The following INTS8 variants were observed in gnomAD, a reference collection of about 807,000 sequenced individuals.
The protein encoded by INTS8 is protein kaonashi-1.
Under a neutral mutation model 138.9 loss-of-function variants are expected in INTS8, and 47 were observed. That is an observed-to-expected ratio of 0.34 (90% CI 0.27 to 0.43). INTS8 has a LOEUF of 0.43. Among genes scored for constraint, INTS8 ranks in the 20% least tolerant of loss-of-function variants. INTS8 has a pLI of 1.00. For missense variants in INTS8, 996 were observed against 1,173.0 expected, an observed-to-expected ratio of 0.85 and a Z score of 2.20; for synonymous variants, 392 against 400.9, an observed-to-expected ratio of 0.98 and a Z score of 0.27.
intron 8 of INTS8, among the ~76,000 whole-genome samples, chr8:94,839,187 G>A (rs940495411): frequency 6.6e-6 from 1 of 152,180 alleles, no homozygotes; most frequent in African/African-American, 2.4e-5. Context: ...GAGCCCACCT[G>A]CTCTTGAGCC....
At chr8:94,825,442 T>TAA (rs373395599) in intron 2 of INTS8, among the ~76,000 whole-genome samples, 1 of 145,922 alleles carries the variant, frequency 6.9e-6, no homozygotes, top group East Asian at 2.0e-4. Context: ...AAAAAAAAAA[T>TAA]AATAAAATAA....
At chr8:94,878,068 C>T (rs997332831) in intron 26 of INTS8, among the ~76,000 whole-genome samples, 2 of 152,134 alleles carry the variant, frequency 1.3e-5, no homozygotes, top group Admixed American at 1.3e-4. Context: ...ATATTTTTAG[C>T]GTCTTCCCTT....
At chr8:94,871,815 TA>T in intron 20 of INTS8, 68 bp from the exon 21 acceptor site, 1 of 863,914 alleles carries the variant, frequency 1.2e-6, no homozygotes. Flanking sequence ...TTGTTTTTAA[TA>T]AATACATGCA....
chr8:94,853,769 G>A (rs1333107120), intron 13 of INTS8, 36 bp from the exon 14 acceptor site: 2 of 1,182,946 alleles, frequency 1.7e-6, no homozygotes, highest in Admixed American at 1.7e-5. Flanking sequence ...CTTCCTCTAT[G>A]TGTGCATATA....
At chr8:94,841,849 C>G (rs1349865031) in intron 9 of INTS8, among the ~76,000 whole-genome samples, 1 of 152,096 alleles carries the variant, frequency 6.6e-6, no homozygotes, top group African/African-American at 2.4e-5. Flanking sequence ...GGGTGGATCA[C>G]TTGAGGTCAG....
chr8:94,858,497 G>A (rs1293627493), intron 15 of INTS8, among the ~76,000 whole-genome samples: 1 of 152,192 alleles, frequency 6.6e-6, no homozygotes, highest in African/African-American at 2.4e-5. Flanking sequence ...AAAGTGGGAG[G>A]TAGGTTTTCC....
chr8:94,837,410 TTGATTA>T (rs1407179588), intron 7 of INTS8, among the ~76,000 whole-genome samples: 1 of 152,198 alleles, frequency 6.6e-6, no homozygotes, highest in Non-Finnish European at 1.5e-5. Context: ...AGTAGAGATA[TTGATTA>T]AATGCCCTAG....
chr8:94,824,480 A>G (rs577289138), intron 1 of INTS8, among the ~76,000 whole-genome samples: 2 of 152,326 alleles, frequency 1.3e-5, no homozygotes, highest in South Asian at 4.1e-4. Context: ...TGGAAGAAGC[A>G]GGTACGGAGA....
chr8:94,862,227 C>G (rs1816018080), intron 16 of INTS8, among the ~76,000 whole-genome samples: 1 of 152,174 alleles, frequency 6.6e-6, no homozygotes, highest in African/African-American at 2.4e-5. Context: ...CAGGCATAAG[C>G]CACCGTGCCC....
rs1180526345 is a variant in INTS8 at position 94,880,542 on chromosome 8, A to C, written c.*308A>C. On this transcript the variant is annotated 3_prime_UTR_variant, in exon 27 of 27. Transcript: ENST00000523731. ...TTAGAAAAGCTAATTTAAAATATTT[A>C]GAAATAGCTAGCCTATGTACAGCAA... is the stretch of plus-strand genomic sequence containing the variant. 1 of 308,512 alleles carries C rather than the reference A, an allele frequency of 3.2e-6. No individual in the cohort carries two copies. Among genetic ancestry groups the C allele is most frequent in the Non-Finnish European group, 5.8e-6 (1 of 171,954 alleles). The allele number at this position is 308,512 out of a possible 1,614,324, so 19.1% of individuals were successfully genotyped here. A position where few individuals can be genotyped will look rare whatever the true frequency, so the allele number is the denominator to read the frequency against.
Position 94,823,387 on chromosome 8 carries a change from T to G in INTS8, c.-45T>G, listed in dbSNP as rs1421308260. On this transcript the variant is annotated 5_prime_UTR_variant, in exon 1 of 27. Coordinates refer to ENST00000523731, the MANE Select transcript of INTS8 (RefSeq NM_017864.4). ...CACCGGCCCGCATCCAAGTGTCAGG[T>G]TGGAGCCGGGAAGCGGCCCTGGTGG... 1 of 1,510,116 alleles carries G rather than the reference T, an allele frequency of 6.6e-7. No homozygotes were observed. Among genetic ancestry groups the G allele is most frequent in the Non-Finnish European group, 8.8e-7 (1 of 1,132,100 alleles). The allele number at this position is 1,510,116 out of a possible 1,614,324, so 93.5% of individuals were successfully genotyped here.
rs562516387 is a variant in INTS8, at chr8:94,834,610, A to G, written c.754-1914A>G. Among the ~76,000 whole-genome samples, 10 of 151,960 alleles carry G rather than the reference A, an allele frequency of 6.6e-5. No individual in the cohort carries two copies. The East Asian group carries it at 1.7e-3, about 27-fold the overall frequency. On this transcript the variant is annotated intron_variant, in intron 6 of 26. Coordinates refer to ENST00000523731, the MANE Select transcript of INTS8 (RefSeq NM_017864.4). ...TCCCAGCTACTCGGCAGGCTGAGGC[A>G]GGAGAATCGCTTGAACCCGAAAGAG... is the stretch of plus-strand genomic sequence containing the variant.
At position 94,880,200 on chromosome 8, in the gene INTS8, A is replaced by T. The variant is rs915237699; in HGVS notation, c.2954A>T (p.Lys985Met). The part of the protein sequence containing the change: ...LQLAAQRRKK[K>M]FLQAMAKLYF ...CTGGCAGCGCAGAGAAGGAAAAAAA[A>T]GTTTCTCCAAGCAATGGCAAAACTT... The change falls in exon 27 of 27, where the codon AAG becomes ATG. Residue 985 changes from lysine (K) to methionine (M), a missense_variant. Coordinates refer to ENST00000523731, the MANE Select transcript of INTS8 (RefSeq NM_017864.4). 6.2e-7 allele frequency: 1 copy of T among 1,609,222 alleles called. No homozygotes were observed. The highest frequency in any genetic ancestry group is 1.3e-5 in the African/African-American group (1 of 74,656).
intron 5 of INTS8, among the ~76,000 whole-genome samples, chr8:94,830,483 A>G (rs1462181790): frequency 6.6e-6 from 1 of 152,154 alleles, no homozygotes; most frequent in Non-Finnish European, 1.5e-5. Context: ...TTCTTGAATA[A>G]ATCAAGTGGA....
chr8:94,844,329 G>A (rs772407735), intron 10 of INTS8, among the ~76,000 whole-genome samples: 7 of 151,120 alleles, frequency 4.6e-5, no homozygotes, highest in African/African-American at 1.7e-4. Flanking sequence ...GTGAGCCACC[G>A]TGCCTGGCCA....
intron 9 of INTS8, 101 bp from the exon 10 acceptor site, chr8:94,842,246 C>T: frequency 1.4e-6 from 1 of 698,882 alleles, no homozygotes; most frequent in Non-Finnish European, 2.2e-6. Context: ...AATCTTACCT[C>T]TTAAGAATAA....
In INTS8 at chr8:94,881,711, C is replaced by G; in HGVS notation, c.*1477C>G. Reference sequence around the variant, plus strand: ...ATTGCACACTGGTGACAACTGTCCCCCTTTTCTGAAGGTGTTTATGTAATT... The same window carrying G: ...ATTGCACACTGGTGACAACTGTCCCGCTTTTCTGAAGGTGTTTATGTAATT... On this transcript the variant is annotated 3_prime_UTR_variant, in exon 27 of 27. Transcript: ENST00000523731. 1 of 1,613,672 alleles carries G rather than the reference C, an allele frequency of 6.2e-7. No homozygotes were observed. Among genetic ancestry groups the G allele is most frequent in the Non-Finnish European group, 8.5e-7 (1 of 1,179,780 alleles).
intron 3 of INTS8, 44 bp from the exon 4 acceptor site, chr8:94,827,678 C>T (rs1413410056): frequency 6.8e-7 from 1 of 1,467,462 alleles, no homozygotes; most frequent in Non-Finnish European, 9.5e-7. Flanking sequence ...ATTGAGATGA[C>T]ATTTATAATG....
chr8:94,864,826 G>A (rs1816117605), intron 16 of INTS8: 1 of 152,190 alleles, frequency 6.6e-6, no homozygotes, highest in African/African-American at 2.4e-5. Flanking sequence ...AGGTCATTGA[G>A]GCTGCCTTTA....
Sources: allele counts gnomAD v4.1 joint callset (sites outside exome capture counted in the v4.1 genomes callset), GRCh38; gene constraint gnomAD v4.1.1; transcripts MANE v1.5; gene names NCBI Gene and HGNC (gene_info 2026-07-23, HGNC 2026-07-21).